Variants in HK1 observed in about 807,000 individuals in gnomAD.
The protein encoded by HK1 is hexokinase-1.
In HK1, 28 loss-of-function variants were observed where a neutral mutation model predicts 91.6. That is an observed-to-expected ratio of 0.31 (90% CI 0.23 to 0.42). The LOEUF is 0.42. HK1 is among the 10% of genes least tolerant of loss of function. The probability of loss-of-function intolerance (pLI) is 1.00; values close to 1 mark genes in which losing one functional copy is unlikely to be tolerated. For missense variants in HK1, 770 were observed against 1,219.8 expected (o/e 0.63, Z 5.49); for synonymous variants, 430 against 468.1 (o/e 0.92, Z 1.05).
intron 4 of HK1, among the ~76,000 whole-genome samples, chr10:69,298,463 A>C (rs929186565): frequency 2.0e-5 from 3 of 151,484 alleles, no homozygotes; most frequent in African/African-American, 7.3e-5. Flanking sequence ...TCATCTCTAA[A>C]AAAAATTGTA....
chr10:69,367,657 T>C (rs1396135583), intron 4 of HK1, among the ~76,000 whole-genome samples: 1 of 151,728 alleles, frequency 6.6e-6, no homozygotes, highest in Non-Finnish European at 1.5e-5. Context: ...CACCGTGAGC[T>C]GGGGCGGGGC....
intron 3 of HK1, among the ~76,000 whole-genome samples, chr10:69,362,490 T>G (rs184099786): frequency 2.0e-5 from 3 of 151,764 alleles, no homozygotes; most frequent in Non-Finnish European, 4.4e-5. Context: ...GTTAGGTGAC[T>G]TTTTTTCCTG....
At chr10:69,317,443 G>A (rs1012037834), upstream of HK1, among the ~76,000 whole-genome samples, 5 of 152,170 alleles carry the variant, frequency 3.3e-5, no homozygotes, top group African/African-American at 9.7e-5. Context: ...GGGTGATGGT[G>A]GCTGTCAGGC....
chr10:69,351,535 A>C (rs1185424102), intron 2 of HK1, among the ~76,000 whole-genome samples: 1 of 148,552 alleles, frequency 6.7e-6, no homozygotes, highest in Non-Finnish European at 1.5e-5. Context: ...AACAAAAAAA[A>C]CAAAACAAAA....
chr10:69,366,233 G>A (rs886862454), intron 4 of HK1, among the ~76,000 whole-genome samples: 4 of 152,194 alleles, frequency 2.6e-5, no homozygotes, highest in African/African-American at 7.2e-5. Context: ...AGGAAACTGA[G>A]TCTCAGAGGG....
At chr10:69,351,156 CAG>C (rs1274342965) in intron 2 of HK1, among the ~76,000 whole-genome samples, 3 of 149,714 alleles carry the variant, frequency 2.0e-5, no homozygotes, top group African/African-American at 7.4e-5. Context: ...GCCTGGGCGA[CAG>C]AGCGAGACTC....
At chr10:69,391,275 G>A (rs2132934869) in intron 14 of HK1, among the ~76,000 whole-genome samples, 1 of 152,358 alleles carries the variant, frequency 6.6e-6, no homozygotes, top group East Asian at 1.9e-4. Context: ...GCCCTGAACT[G>A]TGGGCTTCAT....
intron 1 of HK1, among the ~76,000 whole-genome samples, chr10:69,272,388 G>A (rs2132398320): frequency 6.6e-6 from 1 of 152,274 alleles, no homozygotes; most frequent in African/African-American, 2.4e-5. Context: ...TAATGGAGCT[G>A]GCACTTATTT....
intron 4 of HK1, among the ~76,000 whole-genome samples, chr10:69,367,779 C>T (rs879438514): frequency 2.4e-4 from 36 of 152,200 alleles, no homozygotes; most frequent in Non-Finnish European, 4.3e-4. Flanking sequence ...CAGAGTAAAA[C>T]AGCCAAGTAT....
Position 69,369,252 on chromosome 10 carries a change from A to T in HK1, c.607A>T (p.Ile203Phe). 4 of 1,614,026 alleles carry T rather than the reference A, an allele frequency of 2.5e-6. No homozygotes were observed. Among genetic ancestry groups the T allele is most frequent in the Non-Finnish European group, 3.4e-6 (4 of 1,179,842 alleles). ...IKKRGDYDAN[I>F]VAVVNDTVGT... ...CTGTCCCCAGGACTATGATGCCAACATCGTAGCTGTGGTGAATGACACAGT... is the reference window on the plus strand; with the variant it reads ...CTGTCCCCAGGACTATGATGCCAACTTCGTAGCTGTGGTGAATGACACAGT... The change falls in exon 6 of 18, where the codon ATC becomes TTC. Residue 203 changes from isoleucine (I) to phenylalanine (F), a missense_variant. Transcript: ENST00000359426. This position sits in a 1 kb window ranked among gnomAD's most constrained non-coding sequence, Gnocchi z 4.4.
intron 1 of HK1, among the ~76,000 whole-genome samples, chr10:69,330,116 G>A (rs1305230361): frequency 6.6e-6 from 1 of 152,058 alleles, no homozygotes; most frequent in Non-Finnish European, 1.5e-5. Flanking sequence ...AGCAGCTGTC[G>A]ATTCCATCAA....
At chr10:69,305,101 T>G (rs931345417) in intron 5 of HK1, among the ~76,000 whole-genome samples, 5 of 152,178 alleles carry the variant, frequency 3.3e-5, no homozygotes, top group African/African-American at 1.2e-4. Context: ...GTTCTCCCTG[T>G]GTGTCCCAAG....
intron 1 of HK1, among the ~76,000 whole-genome samples, chr10:69,323,107 G>A (rs953751922): frequency 6.6e-6 from 1 of 151,694 alleles, no homozygotes; most frequent in Non-Finnish European, 1.5e-5. Flanking sequence ...TTAGCTGGAC[G>A]TGGTAGCATG....
chr10:69,362,721 C>A (rs1040399930), intron 3 of HK1, among the ~76,000 whole-genome samples: 1 of 152,182 alleles, frequency 6.6e-6, no homozygotes, highest in African/African-American at 2.4e-5. Context: ...CTTCACCCGG[C>A]CTTCTCTCCC....
intron 14 of HK1, 162 bp downstream of exon 14, chr10:69,389,458 A>G: frequency 5.0e-6 from 2 of 401,388 alleles, no homozygotes; most frequent in Non-Finnish European, 5.1e-6. Context: ...CGAAGGCAGC[A>G]GAGTCTCTGG....
chr10:69,394,912 C>T (rs369340189), intron 15 of HK1, 38 bp from the exon 16 acceptor site: 44 of 1,611,900 alleles, frequency 2.7e-5, no homozygotes, highest in African/African-American at 8.0e-5. Flanking sequence ...CTCCTGGCCA[C>T]TTCCCATAGA....
chr10:69,289,461 A>ATTTTTT (rs67564699), intron 3 of HK1, among the ~76,000 whole-genome samples: 4 of 112,822 alleles, frequency 3.5e-5, no homozygotes, highest in African/African-American at 1.2e-4. Context: ...AAAAAAAAAA[A>ATTTTTT]TTTTTTTTTT....
In HK1 at chr10:69,369,655, TATGTGAGTTAGGGGACATTTG is replaced by T. The variant is rs776812666; in HGVS notation, c.875+35_875+55del. On this transcript the variant is annotated intron_variant, in intron 7 of 17. Transcript: ENST00000359426. This position sits in a 1 kb window ranked among gnomAD's most constrained non-coding sequence, Gnocchi z 4.4. ...TCCTTGACTTTTGCTTCTAACCACA[TATGTGAGTTAGGGGACATTTG>T]ATGAAAGATTTGGGATGGGAGATGA... 30 of 1,591,258 alleles carry T rather than the reference TATGTGAGTTAGGGGACATTTG, an allele frequency of 1.9e-5. No homozygotes were observed. The highest frequency in any genetic ancestry group is 3.7e-4 in the Middle Eastern group (2 of 5,416).
intron 1 of HK1, among the ~76,000 whole-genome samples, chr10:69,336,623 A>G (rs1379123064): frequency 2.1e-5 from 3 of 141,546 alleles, no homozygotes; most frequent in East Asian, 2.0e-4. Context: ...GGTCAATAGC[A>G]TTTTGGTAGA....
Sources: allele counts gnomAD v4.1 joint callset (sites outside exome capture counted in the v4.1 genomes callset), GRCh38; gene constraint gnomAD v4.1.1; non-coding constraint Gnocchi (gnomAD v3.1); transcripts MANE v1.5; gene names NCBI Gene and HGNC (gene_info 2026-07-23, HGNC 2026-07-21).